Variants in KLHL13 observed in about 807,000 individuals in gnomAD.
KLHL13 encodes kelch like family member 13.
A neutral mutation model predicts 37.1 loss-of-function variants in KLHL13; 10 were observed. The observed-to-expected ratio is 0.27, with a 90% CI of 0.17 to 0.46. KLHL13 has a LOEUF of 0.46. Among genes scored for constraint, KLHL13 ranks in the 20% least tolerant of loss-of-function variants. The probability of loss-of-function intolerance (pLI) is 1.00; values close to 1 mark genes in which losing one functional copy is unlikely to be tolerated. For missense variants in KLHL13, 360 were observed against 509.3 expected (o/e 0.71, Z 2.82); for synonymous variants, 163 against 181.2 (o/e 0.90, Z 0.81).
At chrX:118,027,141 A>G (rs904863787) in intron 1 of KLHL13, among the ~76,000 whole-genome samples, 38 of 111,793 alleles carry the variant, frequency 3.4e-4, no homozygotes, top group African/African-American at 1.0e-3. Context: ...TCATCTGTTT[A>G]TTATGAGAGT....
intron 1 of KLHL13, among the ~76,000 whole-genome samples, chrX:118,049,921 T>C (rs1395479345): frequency 8.9e-6 from 1 of 112,637 alleles, no homozygotes; most frequent in Non-Finnish European, 1.9e-5. Context: ...TTCCCTTCTA[T>C]AGTCACTGAA....
Position 117,970,965 on chromosome X carries a change from C to A in KLHL13, c.98+1766G>T, listed in dbSNP as rs12852070. Among the ~76,000 whole-genome samples the A allele has an allele frequency of 1.9e-3, 214 of 111,862 alleles. 1 individual carries two copies. The highest frequency in any genetic ancestry group is 6.2e-3 in the African/African-American group (193 of 30,934). ...ACCTATGTGTACTACCAACAACCAA[C>A]AGTCAACATGCAAGATCTATTATAT... On this transcript the variant is annotated intron_variant, in intron 1 of 6. Transcript: ENST00000262820.
intron 1 of KLHL13, among the ~76,000 whole-genome samples, chrX:118,101,395 G>T (rs146272445): frequency 2.9e-4 from 32 of 111,526 alleles, no homozygotes; most frequent in African/African-American, 1.0e-3. Flanking sequence ...AACTGAGTTA[G>T]CCCCTGTCCT....
intron 1 of KLHL13, among the ~76,000 whole-genome samples, chrX:118,089,790 T>C (rs1159553130): frequency 9.0e-6 from 1 of 110,762 alleles, no homozygotes; most frequent in East Asian, 2.8e-4. Flanking sequence ...TAAAAAAGTA[T>C]CAATAGGGCT....
intron 1 of KLHL13, among the ~76,000 whole-genome samples, chrX:118,080,789 T>C (rs931958235): frequency 8.9e-6 from 1 of 112,118 alleles, no homozygotes; most frequent in African/African-American, 3.2e-5. Context: ...TAGATCATTA[T>C]GCCAAAAATA....
intron 1 of KLHL13, chrX:117,946,147 T>C (rs1301508309): frequency 9.0e-6 from 1 of 111,623 alleles, no homozygotes; most frequent in African/African-American, 3.3e-5. Context: ...AATGCATTAC[T>C]TTATCTTCTG....
At chrX:118,097,517 T>C (rs2055226373) in intron 1 of KLHL13, among the ~76,000 whole-genome samples, 1 of 111,738 alleles carries the variant, frequency 8.9e-6, no homozygotes, top group Admixed American at 9.5e-5. Flanking sequence ...AGGTAATTTA[T>C]AGATTCAATG....
intron 1 of KLHL13, among the ~76,000 whole-genome samples, chrX:118,111,686 A>G (rs1290178654): frequency 8.9e-6 from 1 of 112,435 alleles, no homozygotes; most frequent in East Asian, 2.8e-4. Flanking sequence ...AGGTCAGAAG[A>G]TCGAGACCAT....
chrX:118,070,746 TTTTATTTA>T (rs199522673), intron 1 of KLHL13, among the ~76,000 whole-genome samples: 3 of 107,259 alleles, frequency 2.8e-5, no homozygotes, highest in South Asian at 3.9e-4. Flanking sequence ...TTTTAAATAT[TTTTATTTA>T]TTTATTTATT....
At chrX:118,020,638 C>T (rs2054194644) in intron 1 of KLHL13, among the ~76,000 whole-genome samples, 1 of 110,833 alleles carries the variant, frequency 9.0e-6, no homozygotes, top group Non-Finnish European at 1.9e-5. Flanking sequence ...CATCCCATTA[C>T]TGGGTATATA....
At chrX:118,060,719 C>T (rs2054732350) in intron 1 of KLHL13, among the ~76,000 whole-genome samples, 2 of 111,366 alleles carry the variant, frequency 1.8e-5, no homozygotes, top group Admixed American at 1.9e-4. Flanking sequence ...ACTGCAACCA[C>T]TAAATTATAC....
rs761687127 is a variant in KLHL13 at position 117,929,778 on chromosome X, C to CAAAAA, written c.241-9413_241-9409dup. Reference sequence around the variant, plus strand: ...GCAATATAGTGAGACATCGTCTCTACAAAAAAAAAAAAAAAAAAAAAAAAA... The same window carrying CAAAAA: ...GCAATATAGTGAGACATCGTCTCTACAAAAAAAAAAAAAAAAAAAAAAAAAAAAAA... On this transcript the variant is annotated intron_variant, in intron 2 of 6. Transcript: ENST00000262820. 3.1e-3 allele frequency among the ~76,000 whole-genome samples: 77 copies of CAAAAA among 25,023 alleles called. 2 individuals are homozygous for CAAAAA. The highest frequency in any genetic ancestry group is 6.0e-3 in the African/African-American group (70 of 11,612). 21.7% of individuals were successfully genotyped at this position (25,023 alleles called of 115,157 possible).
Position 117,979,087 on chromosome X carries a change from C to G in KLHL13, c.-55-33512G>C, listed in dbSNP as rs183739561. On this transcript the variant is annotated intron_variant, in intron 1 of 6. Coordinates refer to the KLHL13 transcript ENST00000371882. The stretch of plus-strand genomic sequence containing the variant: ...CTGGGATTACAGGCATGCGCCACCA[C>G]GCCCGGCTAATTTTTTGTATTTTTA... Among the ~76,000 whole-genome samples the G allele has an allele frequency of 8.6e-4, 95 of 110,507 alleles. 1 individual carries two copies. The highest frequency in any genetic ancestry group is 1.2e-3 in the Non-Finnish European group (64 of 52,832).
intron 1 of KLHL13, among the ~76,000 whole-genome samples, chrX:118,107,554 A>T (rs1017422327): frequency 1.8e-5 from 2 of 112,240 alleles, no homozygotes; most frequent in African/African-American, 6.5e-5. Context: ...GTATAGTTAT[A>T]TTTCATATGT....
intron 5 of KLHL13, among the ~76,000 whole-genome samples, chrX:117,908,682 G>A (rs1930756274): frequency 9.0e-6 from 1 of 111,526 alleles, no homozygotes; most frequent in South Asian, 3.7e-4. Context: ...AGACAAAAAG[G>A]TGACCATCAA....
chrX:118,078,886 G>A (rs1018945162), intron 1 of KLHL13, among the ~76,000 whole-genome samples: 6 of 111,355 alleles, frequency 5.4e-5, no homozygotes, highest in African/African-American at 2.0e-4. Flanking sequence ...CATCAGCAAT[G>A]TATGAGAGTT....
At chrX:118,035,962 G>A (rs1234757441) in intron 1 of KLHL13, among the ~76,000 whole-genome samples, 6 of 100,464 alleles carry the variant, frequency 6.0e-5, no homozygotes, top group Non-Finnish European at 1.2e-4. Context: ...GACAAACAGA[G>A]AGCCAAATCA....
At chrX:117,962,109 G>T (rs949903873) in intron 1 of KLHL13, among the ~76,000 whole-genome samples, 1 of 105,965 alleles carries the variant, frequency 9.4e-6, no homozygotes, top group South Asian at 4.4e-4. Flanking sequence ...TACTGAGGAG[G>T]CTGAGGCAGG....
chrX:118,070,834 A>C (rs1383586274), intron 1 of KLHL13, among the ~76,000 whole-genome samples: 8 of 109,416 alleles, frequency 7.3e-5, no homozygotes, highest in African/African-American at 2.7e-4. Flanking sequence ...TGTACATGTG[A>C]CATGCTGGTG....
Sources: allele counts gnomAD v4.1 joint callset (sites outside exome capture counted in the v4.1 genomes callset), GRCh38; gene constraint gnomAD v4.1.1; transcripts MANE v1.5; gene names NCBI Gene and HGNC (gene_info 2026-07-23, HGNC 2026-07-21).